The following NAA15 variants were observed in gnomAD, a reference collection of about 807,000 sequenced individuals.
NAA15 encodes N-terminal acetyltransferase.
Under a neutral mutation model 114.0 loss-of-function variants are expected in NAA15, and 34 were observed. The observed-to-expected ratio is 0.30, with a 90% CI of 0.23 to 0.40. The LOEUF (loss-of-function observed/expected upper bound fraction) is 0.40. Among genes scored for constraint, NAA15 ranks in the 10% least tolerant of loss-of-function variants. NAA15 has a pLI of 1.00. For missense variants in NAA15, 658 were observed against 1,004.5 expected, an observed-to-expected ratio of 0.66 and a Z score of 4.66; for synonymous variants, 340 against 338.0, an observed-to-expected ratio of 1.01 and a Z score of -0.06.
Position 139,301,594 on chromosome 4 carries a change from G to C in NAA15, c.-184G>C. 1.5e-6 allele frequency: 1 copy of C among 654,810 alleles called. No homozygotes were observed. Among genetic ancestry groups the C allele is most frequent in the South Asian group, 1.9e-5 (1 of 51,786 alleles). The allele number at this position is 654,810 out of a possible 1,614,324, so 40.6% of individuals were successfully genotyped here. ...GCGGCGGCAGCGTTAAGTGAGAAAGGAAAAAAGACAACGAGGAAAAAGGAG... is the reference window on the plus strand; with the variant it reads ...GCGGCGGCAGCGTTAAGTGAGAAAGCAAAAAAGACAACGAGGAAAAAGGAG... On this transcript the variant is annotated 5_prime_UTR_variant, in exon 1 of 20. Transcript: ENST00000296543.
intron 15 of NAA15, among the ~76,000 whole-genome samples, chr4:139,372,591 A>G (rs559558852): frequency 3.3e-5 from 5 of 152,312 alleles, no homozygotes; most frequent in East Asian, 1.9e-4. Context: ...AAAAGCATCT[A>G]TACTTACCAA....
In NAA15 at chr4:139,332,791, A is replaced by G. The variant is rs532270123; in HGVS notation, c.55-1383A>G. On this transcript the variant is annotated intron_variant, in intron 1 of 19. Coordinates refer to ENST00000296543, the MANE Select transcript of NAA15 (RefSeq NM_057175.5). Reference sequence around the variant, plus strand: ...GAGACAGGGTTTCACCATGTTGGCCAGGCTGGTCTCGAACTGCTGACCTCA... The same window carrying G: ...GAGACAGGGTTTCACCATGTTGGCCGGGCTGGTCTCGAACTGCTGACCTCA... Among the ~76,000 whole-genome samples the G allele has an allele frequency of 1.6e-4, 24 of 151,454 alleles. No individual in the cohort carries two copies. In the South Asian group the frequency reaches 4.6e-3, roughly 29 times the overall value.
chr4:139,379,005 G>T (rs1012277114), intron 17 of NAA15, 151 bp downstream of exon 17: 2 of 488,702 alleles, frequency 4.1e-6, no homozygotes, highest in Admixed American at 4.2e-5. Context: ...TTTTCTTTAT[G>T]ATGAAGGTTT....
chr4:139,357,432 C>T lies in NAA15; in HGVS notation c.1134C>T (p.Tyr378=). The change falls in exon 11 of 20, where the codon TAC becomes TAT. Residue 378 remains tyrosine, a synonymous_variant. Coordinates refer to ENST00000296543, the MANE Select transcript of NAA15 (RefSeq NM_057175.5). The stretch of plus-strand genomic sequence containing the variant: ...CAACCACATTACTTTGGGTCCAGTA[C>T]TACTTGGCACAACATTATGACAAAA... ...EPPTTLLWVQ[Y]YLAQHYDKIG... The T allele has an allele frequency of 6.2e-7, 1 of 1,613,892 alleles. No individual in the cohort carries two copies. The highest frequency in any genetic ancestry group is 8.5e-7 in the Non-Finnish European group (1 of 1,179,884).
At chr4:139,307,104 A>T (rs1297323213) in intron 1 of NAA15, among the ~76,000 whole-genome samples, 1 of 152,170 alleles carries the variant, frequency 6.6e-6, no homozygotes, top group African/African-American at 2.4e-5. Context: ...CATGATGATT[A>T]TGTTTGTGAT....
chr4:139,372,829 A>ATT (rs1004958784), intron 15 of NAA15, among the ~76,000 whole-genome samples: 2 of 151,104 alleles, frequency 1.3e-5, no homozygotes, highest in African/African-American at 4.9e-5. Context: ...GTCATGTGTC[A>ATT]TTTAACAGGG....
intron 1 of NAA15, among the ~76,000 whole-genome samples, chr4:139,306,266 G>C (rs1322790978): frequency 2.0e-5 from 3 of 152,176 alleles, no homozygotes; most frequent in African/African-American, 7.2e-5. Flanking sequence ...TTTTGAGACA[G>C]TTTTGCTCTG....
intron 1 of NAA15, among the ~76,000 whole-genome samples, chr4:139,306,654 T>C (rs1259348110): frequency 6.6e-6 from 1 of 152,106 alleles, no homozygotes; most frequent in Non-Finnish European, 1.5e-5. Context: ...TTTTAACTTA[T>C]TTGGAAAATT....
At chr4:139,345,144 T>C (rs568035940) in intron 6 of NAA15, among the ~76,000 whole-genome samples, 3 of 152,350 alleles carry the variant, frequency 2.0e-5, no homozygotes, top group African/African-American at 7.2e-5. Context: ...ATGTGCATAA[T>C]AGGTATAGCC....
intron 6 of NAA15, among the ~76,000 whole-genome samples, chr4:139,348,926 A>C (rs1159309234): frequency 6.6e-6 from 1 of 152,222 alleles, no homozygotes; most frequent in Non-Finnish European, 1.5e-5. Context: ...GTTGAATAGT[A>C]GGATTAGTGA....
chr4:139,342,316 T>C (rs1034397202), intron 4 of NAA15, among the ~76,000 whole-genome samples: 1 of 152,140 alleles, frequency 6.6e-6, no homozygotes, highest in African/African-American at 2.4e-5. Flanking sequence ...TGGTCTTAAG[T>C]TTTAAAAAAA....
chr4:139,351,753 C>T (rs1747785090), intron 9 of NAA15, 142 bp downstream of exon 9: 1 of 482,368 alleles, frequency 2.1e-6, no homozygotes, highest in Admixed American at 3.8e-5. Flanking sequence ...TTAAATGCTT[C>T]TGATTCCTCT....
intron 1 of NAA15, among the ~76,000 whole-genome samples, chr4:139,309,811 C>T (rs1352874780): frequency 3.3e-5 from 5 of 152,070 alleles, no homozygotes; most frequent in African/African-American, 1.2e-4. Flanking sequence ...AGATGGACAA[C>T]ACTATATTTT....
intron 1 of NAA15, among the ~76,000 whole-genome samples, chr4:139,314,610 C>T (rs975105643): frequency 6.6e-6 from 1 of 151,772 alleles, no homozygotes; most frequent in Non-Finnish European, 1.5e-5. Context: ...CATTCTTTGC[C>T]GTCTTAGGTT....
At chr4:139,325,313 CATTTAATAAAATTT>C (rs1375266053) in intron 1 of NAA15, among the ~76,000 whole-genome samples, 1 of 152,132 alleles carries the variant, frequency 6.6e-6, no homozygotes, top group Non-Finnish European at 1.5e-5. Flanking sequence ...TAACCTTTAA[CATTTAATAAAATTT>C]CTGTAGGTGA....
intron 6 of NAA15, among the ~76,000 whole-genome samples, chr4:139,344,663 G>A (rs1224815356): frequency 1.3e-5 from 2 of 152,130 alleles, no homozygotes; most frequent in African/African-American, 2.4e-5. Context: ...ATAAGACAGA[G>A]GATGACATTT....
intron 10 of NAA15, among the ~76,000 whole-genome samples, chr4:139,357,013 T>C (rs1747976651): frequency 6.6e-6 from 1 of 150,944 alleles, no homozygotes; most frequent in African/African-American, 2.4e-5. Flanking sequence ...CTCACATGAA[T>C]AGAGAACATT....
At chr4:139,358,263 G>A (rs1348138785) in intron 11 of NAA15, among the ~76,000 whole-genome samples, 1 of 151,114 alleles carries the variant, frequency 6.6e-6, no homozygotes, top group African/African-American at 2.4e-5. Flanking sequence ...CGCGATCTCA[G>A]CTCCCTGCAA....
intron 16 of NAA15, among the ~76,000 whole-genome samples, chr4:139,376,906 C>G (rs1002714045): frequency 6.6e-6 from 1 of 152,108 alleles, no homozygotes; most frequent in African/African-American, 2.4e-5. Context: ...GGAAAAGATA[C>G]ATAGAAGGCA....
Sources: allele counts gnomAD v4.1 joint callset (sites outside exome capture counted in the v4.1 genomes callset), GRCh38; gene constraint gnomAD v4.1.1; transcripts MANE v1.5; gene names NCBI Gene and HGNC (gene_info 2026-07-23, HGNC 2026-07-21).